The following OCA2 variants were observed in gnomAD, a reference collection of about 807,000 sequenced individuals.
OCA2 encodes P protein.
OCA2 carries 77 observed loss-of-function variants against 100.2 expected under a neutral mutation model. The observed-to-expected ratio is 0.77, with a 90% CI of 0.64 to 0.93. The LOEUF is 0.93. OCA2 is among the 40% of genes least tolerant of loss of function. The probability of loss-of-function intolerance (pLI) is 0.00; values close to 1 mark genes in which losing one functional copy is unlikely to be tolerated. For missense variants in OCA2, 1,062 were observed against 1,089.1 expected (o/e 0.98, Z 0.35); for synonymous variants, 432 against 439.2 (o/e 0.98, Z 0.21).
At chr15:27,901,329 C>T (rs1431435381) in intron 19 of OCA2, among the ~76,000 whole-genome samples, 1 of 152,226 alleles carries the variant, frequency 6.6e-6, no homozygotes, top group Non-Finnish European at 1.5e-5. Flanking sequence ...CTGCTGGCAG[C>T]TCTCCCATCT....
At chr15:27,848,729 C>G (rs1362810376) in intron 22 of OCA2, among the ~76,000 whole-genome samples, 1 of 152,286 alleles carries the variant, frequency 6.6e-6, no homozygotes, top group African/African-American at 2.4e-5. Flanking sequence ...AGGCCACACT[C>G]TCAGAACAGT....
At chr15:27,989,563 G>C (rs751751327) in intron 11 of OCA2, 38 bp downstream of exon 11, 80 of 1,574,038 alleles carry the variant, frequency 5.1e-5, no homozygotes, top group Non-Finnish European at 6.6e-5. Context: ...GGTTACCGCA[G>C]GCGTGGAGCC....
chr15:28,074,223 CA>C (rs1052504250), intron 2 of OCA2, among the ~76,000 whole-genome samples: 2 of 152,188 alleles, frequency 1.3e-5, no homozygotes, highest in Non-Finnish European at 2.9e-5. Context: ...ATGATAATCA[CA>C]TAGACTGATG....
intron 4 of OCA2, among the ~76,000 whole-genome samples, chr15:28,027,306 G>A (rs1334877117): frequency 6.6e-6 from 1 of 152,090 alleles, no homozygotes; most frequent in Non-Finnish European, 1.5e-5. Flanking sequence ...GTAGGCATGT[G>A]CACCATCCAC....
chr15:27,954,234 C>T (rs1286984668), intron 17 of OCA2, among the ~76,000 whole-genome samples: 3 of 152,132 alleles, frequency 2.0e-5, no homozygotes, highest in African/African-American at 7.2e-5. Flanking sequence ...CATTTCATCT[C>T]ACTGTAGTCC....
At chr15:27,909,200 G>C (rs2038292723) in intron 19 of OCA2, among the ~76,000 whole-genome samples, 1 of 152,134 alleles carries the variant, frequency 6.6e-6, no homozygotes, top group South Asian at 2.1e-4. Context: ...AACAAAAAAT[G>C]TGCAAAAATT....
intron 23 of OCA2, among the ~76,000 whole-genome samples, chr15:27,822,933 G>T (rs527347228): frequency 3.3e-5 from 5 of 152,138 alleles, no homozygotes; most frequent in African/African-American, 9.6e-5. Flanking sequence ...GTGCTTTTGG[G>T]GTCCTGTTTA....
intron 2 of OCA2, among the ~76,000 whole-genome samples, chr15:28,054,684 T>C (rs563546416): frequency 2.0e-5 from 3 of 152,184 alleles, no homozygotes; most frequent in Non-Finnish European, 4.4e-5. Context: ...AGTCCAAGAT[T>C]TATCTTGGCA....
chr15:27,974,174 T>C (rs200786401), intron 14 of OCA2, among the ~76,000 whole-genome samples: 1 of 152,218 alleles, frequency 6.6e-6, no homozygotes, highest in East Asian at 1.9e-4. Context: ...TCTTTATTTC[T>C]TTCTCTTGTC....
At chr15:27,863,109 G>C (rs61336929) in intron 21 of OCA2, among the ~76,000 whole-genome samples, 3 of 151,914 alleles carry the variant, frequency 2.0e-5, no homozygotes, top group Non-Finnish European at 4.4e-5. Flanking sequence ...GGAAGGAGAG[G>C]CCCCCTGAGG....
chr15:27,908,500 T>C (rs2038263619), intron 19 of OCA2, among the ~76,000 whole-genome samples: 1 of 152,186 alleles, frequency 6.6e-6, no homozygotes, highest in Non-Finnish European at 1.5e-5. Context: ...TCCAAGACCA[T>C]CCTGACACTT....
chr15:27,830,716 G>A (rs1184406613), intron 23 of OCA2, among the ~76,000 whole-genome samples: 2 of 152,136 alleles, frequency 1.3e-5, no homozygotes, highest in Non-Finnish European at 2.9e-5. Flanking sequence ...CAAGTGAAAA[G>A]CTTCAAGTCA....
At chr15:28,019,750 C>T (rs1450577940) in intron 6 of OCA2, among the ~76,000 whole-genome samples, 3 of 152,048 alleles carry the variant, frequency 2.0e-5, no homozygotes, top group Non-Finnish European at 2.9e-5. Flanking sequence ...CCAACCAGGC[C>T]GAGGCCCCTC....
intron 23 of OCA2, among the ~76,000 whole-genome samples, chr15:27,790,000 A>T (rs919587069): frequency 3.3e-5 from 5 of 152,232 alleles, no homozygotes; most frequent in African/African-American, 1.2e-4. Context: ...AGAAAAATGA[A>T]GAGATGAGAC....
chr15:27,848,578 A>T (rs906728433), intron 22 of OCA2, among the ~76,000 whole-genome samples: 2 of 152,232 alleles, frequency 1.3e-5, no homozygotes, highest in Non-Finnish European at 2.9e-5. Flanking sequence ...GTCATCCTGC[A>T]TGGGAAGACA....
chr15:27,770,456 C>A (rs917496665), intron 23 of OCA2, among the ~76,000 whole-genome samples: 3 of 152,232 alleles, frequency 2.0e-5, no homozygotes, highest in African/African-American at 7.2e-5. Context: ...TGAGAACCGG[C>A]ATCCACACCG....
chr15:28,007,458 T>C (rs923985522), intron 9 of OCA2, among the ~76,000 whole-genome samples: 2 of 152,180 alleles, frequency 1.3e-5, no homozygotes, highest in Admixed American at 6.5e-5. Context: ...GGGCCGGGCA[T>C]GGTGGCTCAC....
At chr15:27,925,405 T>A (rs1597201) in intron 19 of OCA2, among the ~76,000 whole-genome samples, 35,846 of 152,104 alleles carry the variant, frequency 0.24, 4,978 homozygotes, top group East Asian at 0.62. Flanking sequence ...TGAATTAAAT[T>A]AAAAGTCAAA....
At chr15:28,062,089 C>G (rs917508121) in intron 2 of OCA2, among the ~76,000 whole-genome samples, 1 of 152,306 alleles carries the variant, frequency 6.6e-6, no homozygotes, top group African/African-American at 2.4e-5. Context: ...TACCTAGTAA[C>G]AGAAATGCTG....
Sources: gnomAD v4.1 joint callset for allele counts (sites outside exome capture counted in the v4.1 genomes callset) on GRCh38, gnomAD v4.1.1 for gene constraint, MANE v1.5 for transcripts, NCBI Gene and HGNC (gene_info 2026-07-23, HGNC 2026-07-21) for gene names.